RPS15A: variants seen among roughly 807,000 people sequenced by gnomAD.
RPS15A encodes small ribosomal subunit protein uS8.
For synonymous variants in RPS15A, 55 were observed against 58.5 expected, an observed-to-expected ratio of 0.94 and a Z score of 0.27; for missense variants, 62 against 163.4, an observed-to-expected ratio of 0.38 and a Z score of 3.38.
chr16:18,787,055 G>A (rs2029899386), intron 3 of RPS15A, among the ~76,000 whole-genome samples: 1 of 152,154 alleles, frequency 6.6e-6, no homozygotes, highest in South Asian at 2.1e-4. Flanking sequence ...AGTAGAGACA[G>A]GGTTTCACCA....
chr16:18,786,062 T>C (rs574761532), intron 3 of RPS15A: 2 of 153,500 alleles, frequency 1.3e-5, no homozygotes, highest in African/African-American at 4.8e-5. Flanking sequence ...CGTTCTCTTT[T>C]AAATGGGGAG....
chr16:18,783,528 G>GTTT, intron 4 of RPS15A: 1 of 383,278 alleles, frequency 2.6e-6, no homozygotes, highest in African/African-American at 2.1e-5. Flanking sequence ...ATGAGTGGCT[G>GTTT]CTTCATGAGT....
chr16:18,786,240 C>T (rs1327490592), intron 3 of RPS15A: 4 of 231,208 alleles, frequency 1.7e-5, no homozygotes, highest in Non-Finnish European at 2.7e-5. Flanking sequence ...TGGCACTCAC[C>T]TGTAATCTCA....
chr16:18,788,948 TG>T, intron 2 of RPS15A, 32 bp downstream of exon 2: 1 of 1,597,132 alleles, frequency 6.3e-7, no homozygotes, highest in South Asian at 1.1e-5. Context: ...GAGTCTCACA[TG>T]AAAACATAAA....
At chr16:18,786,270 C>T (rs971707931) in intron 3 of RPS15A, 3 of 208,614 alleles carry the variant, frequency 1.4e-5, no homozygotes, top group Non-Finnish European at 2.0e-5. Context: ...GAGGCTGAGG[C>T]AGGAGAATCG....
chr16:18,783,152 T>G (rs1175176305), intron 4 of RPS15A, 50 bp from the exon 5 acceptor site: 3 of 1,176,240 alleles, frequency 2.6e-6, no homozygotes. Context: ...TTCAACATAG[T>G]GCCTTCTAGT....
intron 3 of RPS15A, among the ~76,000 whole-genome samples, chr16:18,787,123 A>G (rs916268477): frequency 1.3e-5 from 2 of 152,216 alleles, no homozygotes; most frequent in Admixed American, 1.3e-4. Flanking sequence ...TCAGCCTCCC[A>G]AAGTGCTGGG....
rs911317761 is a variant in RPS15A at position 18,782,857 on chromosome 16, T to G, written c.*152A>C. The stretch of plus-strand genomic sequence containing the variant: ...TAAGAACTTTTTCCCTTGGCTGTAT[T>G]AGTCACTTCAGGGAATCGCATTCAC... On this transcript the variant is annotated 3_prime_UTR_variant, in exon 5 of 5. Coordinates refer to ENST00000322989, the MANE Select transcript of RPS15A (RefSeq NM_001019.5). 1 of 573,756 alleles carries G rather than the reference T, an allele frequency of 1.7e-6. No homozygotes were observed. The highest frequency in any genetic ancestry group is 1.9e-5 in the African/African-American group (1 of 53,410). 35.5% of individuals were successfully genotyped at this position (573,756 alleles called of 1,614,324 possible).
intron 3 of RPS15A, 82 bp downstream of exon 3, chr16:18,787,981 T>C: frequency 1.2e-6 from 1 of 867,130 alleles, no homozygotes; most frequent in Non-Finnish European, 2.0e-6. Context: ...CACTACTCAG[T>C]ATTTCCAAAG....
At position 18,788,121 on chromosome 16, in the gene RPS15A, A is replaced by T; in HGVS notation, c.155T>A (p.Ile52Asn). ...TTTCCCAGCTCTGTGGTCATCAATG[A>T]TTTCAAATTCGCCAATGTAACCTAC... ...MKHGYIGEFE[I>N]IDDHRAGKIV... Residue 52 changes from isoleucine to asparagine, a missense_variant, in exon 3 of 5, where the codon ATC becomes AAC. Physicochemically the swap from Ile to Asn is moderately radical, Grantham distance 149. Transcript: ENST00000322989. The T allele has an allele frequency of 6.2e-7, 1 of 1,612,044 alleles. No individual in the cohort carries two copies. Among genetic ancestry groups the T allele is most frequent in the Non-Finnish European group, 8.5e-7 (1 of 1,178,444 alleles).
At position 18,781,588 on chromosome 16, in the gene RPS15A, T is replaced by G. The variant is rs41461745; in HGVS notation, c.*1421A>C. The stretch of plus-strand genomic sequence containing the variant: ...GGGATAGGTTTTGTATCATTCCCAT[T>G]ACAGATACGGATGCTGAGGTTACTG... On this transcript the variant is annotated 3_prime_UTR_variant, in exon 5 of 5. Transcript: ENST00000322989. The G allele has an allele frequency of 1.3e-5, 2 of 151,930 alleles. No individual in the cohort carries two copies. Among genetic ancestry groups the G allele is most frequent in the East Asian group, 3.9e-4 (2 of 5,168 alleles). 9.4% of individuals were successfully genotyped at this position (151,930 alleles called of 1,614,324 possible).
At chr16:18,789,830 T>C (rs1567288737) in intron 1 of RPS15A, 1 of 152,176 alleles carries the variant, frequency 6.6e-6, no homozygotes, top group African/African-American at 2.4e-5. Context: ...AAAGAAAAAC[T>C]CTGCGGCCCA....
chr16:18,787,975 A>C, intron 3 of RPS15A, 88 bp downstream of exon 3: 1 of 821,372 alleles, frequency 1.2e-6, no homozygotes, highest in Non-Finnish European at 2.1e-6. Context: ...TGGCACCACT[A>C]CTCAGTATTT....
At chr16:18,783,306 C>T in intron 4 of RPS15A, 1 of 540,248 alleles carries the variant, frequency 1.9e-6, no homozygotes, top group Admixed American at 3.4e-5. Context: ...CCAGAGAGCC[C>T]AGCCACACAA....
intron 3 of RPS15A, 185 bp from the exon 4 acceptor site, chr16:18,785,008 G>A (rs572996772): frequency 4.0e-5 from 21 of 525,482 alleles, no homozygotes; most frequent in Admixed American, 7.9e-5. Context: ...GTAAGACTAC[G>A]CCTGCCTAGG....
chr16:18,782,957 G>A lies in RPS15A; in HGVS notation c.*52C>T. 1.7e-6 allele frequency: 2 copies of A among 1,144,772 alleles called. No homozygotes were observed. Among genetic ancestry groups the A allele is most frequent in the South Asian group, 2.6e-5 (2 of 78,006 alleles). 70.9% of individuals were successfully genotyped at this position (1,144,772 alleles called of 1,614,324 possible). A position where few individuals can be genotyped will look rare whatever the true frequency, so the allele number is the denominator to read the frequency against. On this transcript the variant is annotated 3_prime_UTR_variant, in exon 5 of 5. Transcript: ENST00000322989. ...TGTAAAGGCTCAAAACGACCAAGTG[G>A]AAGCACCAGAGTCCATGAGGCATTT...
chr16:18,784,919 C>T, intron 3 of RPS15A, 96 bp from the exon 4 acceptor site: 1 of 938,216 alleles, frequency 1.1e-6, no homozygotes. Context: ...AACAGTCCTC[C>T]AAACCAACCA....
chr16:18,789,688 A>T (rs1839355472), intron 1 of RPS15A, among the ~76,000 whole-genome samples: 1 of 152,254 alleles, frequency 6.6e-6, no homozygotes, highest in Non-Finnish European at 1.5e-5. Flanking sequence ...TGGCAAACAG[A>T]AACATTTTAC....
At position 18,789,132 on chromosome 16, in the gene RPS15A, A is replaced by G; in HGVS notation, c.-5-14T>C. The G allele has an allele frequency of 1.2e-6, 2 of 1,603,184 alleles. No individual in the cohort carries two copies. The highest frequency in any genetic ancestry group is 1.7e-6 in the Non-Finnish European group (2 of 1,174,950). On this transcript the variant is annotated splice_polypyrimidine_tract_variant and intron_variant, in intron 1 of 4. Coordinates refer to ENST00000322989, the MANE Select transcript of RPS15A (RefSeq NM_001019.5). ...GCACCATTGTGGCTGTTCAAGGAAG[A>G]CAAAACAGGAGGTTTTACTGGCATT...
Sources: gnomAD v4.1 joint callset for allele counts (sites outside exome capture counted in the v4.1 genomes callset) on GRCh38, gnomAD v4.1.1 for gene constraint, MANE v1.5 for transcripts, NCBI Gene and HGNC (gene_info 2026-07-23, HGNC 2026-07-21) for gene names.